Variants in TIAL1 observed in about 807,000 individuals in gnomAD.
The protein encoded by TIAL1 is TIA1 cytotoxic granule associated RNA binding protein like 1.
TIAL1 carries 7 observed loss-of-function variants against 59.7 expected under a neutral mutation model. That is an observed-to-expected ratio of 0.12 (90% CI 0.07 to 0.22). The LOEUF is 0.22. Ranked by LOEUF, TIAL1 falls within the 10% of genes least tolerant of loss-of-function variation. TIAL1 has a pLI of 1.00. For missense variants in TIAL1, 225 were observed against 462.5 expected (o/e 0.49, Z 4.71); for synonymous variants, 149 against 146.3 (o/e 1.02, Z -0.13).
Position 119,588,161 on chromosome 10 carries a change from C to A in TIAL1, c.120G>T (p.Met40Ile). Reference protein sequence around the residue: ...SQIGPCKSCKMITEHTSNDPY... With the variant: ...SQIGPCKSCKIITEHTSNDPY... ...ACTGGGAAGATCTTACCTCTGTTAT[C>A]ATTTTACAGCTTTTACAGGGTCCAA... Residue 40 changes from methionine (M) to isoleucine (I), a missense_variant, in exon 2 of 12, where the codon ATG becomes ATT. Met to Ile is a conservative substitution (Grantham distance 10). Around this residue, in one of 4 missense-constraint regions of TIAL1, gnomAD observed 39 missense variants for 59.5 expected, o/e 0.66. Coordinates refer to ENST00000436547, the MANE Select transcript of TIAL1 (RefSeq NM_003252.4). 2 of 1,566,248 alleles carry A rather than the reference C, an allele frequency of 1.3e-6. No individual in the cohort carries two copies. The highest frequency in any genetic ancestry group is 1.2e-5 in the South Asian group (1 of 83,214).
At position 119,574,604 on chromosome 10, in the gene TIAL1, A is replaced by AAAAAAAAAAAAAAAAAAAAC. The variant is rs1844883262; in HGVS notation, c.*1060_*1061insGTTTTTTTTTTTTTTTTTTT. 1 of 149,102 alleles carries AAAAAAAAAAAAAAAAAAAAC rather than the reference A, an allele frequency of 6.7e-6. No individual in the cohort carries two copies. The highest frequency in any genetic ancestry group is 1.5e-5 in the Non-Finnish European group (1 of 67,376). The allele number at this position is 149,102 out of a possible 1,614,324, so 9.2% of individuals were successfully genotyped here. A position where few individuals can be genotyped will look rare whatever the true frequency, so the allele number is the denominator to read the frequency against. ...TGTAAAGCAAAAAAAAAAAAAAAAA[A>AAAAAAAAAAAAAAAAAAAAC]AAACAAAAACAAAAAACTAATTCCC... On this transcript the variant is annotated 3_prime_UTR_variant, in exon 12 of 12. Transcript: ENST00000436547.
chr10:119,578,759 G>A lies in TIAL1; in HGVS notation c.523C>T (p.Arg175Cys). 2 of 1,614,138 alleles carry A rather than the reference G, an allele frequency of 1.2e-6. No individual in the cohort carries two copies. Among genetic ancestry groups the A allele is most frequent in the Non-Finnish European group, 1.7e-6 (2 of 1,180,012 alleles). The change falls in exon 7 of 12, where the codon CGT (arginine) becomes TGT (cysteine). Residue 175 changes from arginine (R) to cysteine (C), a missense_variant. Around this residue, in one of 4 missense-constraint regions of TIAL1, gnomAD observed 38 missense variants for 173.0 expected, o/e 0.22. Coordinates refer to ENST00000436547, the MANE Select transcript of TIAL1 (RefSeq NM_003252.4). ...GTACTTTTAGGTGCAGGTGGTTTAC[G>A]AGTGGCCCAATTGGTTCGGATTTGA... ...GRQIRTNWAT[R>C]KPPAPKSTQE...
At chr10:119,587,830 G>A (rs1419701957) in intron 2 of TIAL1, among the ~76,000 whole-genome samples, 4 of 152,232 alleles carry the variant, frequency 2.6e-5, no homozygotes, top group Middle Eastern at 6.8e-3. Context: ...TGTCTAAATC[G>A]TTAACATTCT....
chr10:119,588,288 T>C, intron 1 of TIAL1, 40 bp from the exon 2 acceptor site: 1 of 1,256,268 alleles, frequency 8.0e-7, no homozygotes, highest in East Asian at 2.4e-5. Context: ...ATTTTTCCTT[T>C]AGCTCTGGCT....
chr10:119,579,764 T>C (rs1366523995), intron 6 of TIAL1, among the ~76,000 whole-genome samples, 171 bp downstream of exon 6: 2 of 152,148 alleles, frequency 1.3e-5, no homozygotes, highest in Non-Finnish European at 2.9e-5. Context: ...TATTTTCGAG[T>C]TTATGAAAGA....
At chr10:119,577,933 T>C (rs893500356) in intron 7 of TIAL1, among the ~76,000 whole-genome samples, 197 bp from the exon 8 acceptor site, 3 of 151,864 alleles carry the variant, frequency 2.0e-5, no homozygotes, top group Non-Finnish European at 2.9e-5. Context: ...CTACTAAAAA[T>C]ACAAAAATTA....
rs1844845606 is a variant in TIAL1, at chr10:119,574,238, C to T, written c.*1427G>A. The stretch of plus-strand genomic sequence containing the variant: ...CTTGAAAGCAAACCTCGGTCTTCTG[C>T]ATCTTCCAATTGATTCCTTTACAAA... On this transcript the variant is annotated 3_prime_UTR_variant, in exon 12 of 12. Coordinates refer to ENST00000436547, the MANE Select transcript of TIAL1 (RefSeq NM_003252.4). The T allele has an allele frequency of 6.6e-6, 1 of 152,458 alleles. No homozygotes were observed. Among genetic ancestry groups the T allele is most frequent in the South Asian group, 2.1e-4 (1 of 4,822 alleles). 9.4% of individuals were successfully genotyped at this position (152,458 alleles called of 1,614,324 possible).
chr10:119,594,063 C>A (rs1846024195), intron 1 of TIAL1, among the ~76,000 whole-genome samples: 2 of 136,876 alleles, frequency 1.5e-5, no homozygotes, highest in African/African-American at 2.9e-5. Context: ...TGTAGTAGTC[C>A]TTCTCTTAAA....
Position 119,573,555 on chromosome 10 carries a change from TA to T in TIAL1, c.*2109del, listed in dbSNP as rs1279945397. 1 of 152,562 alleles carries T rather than the reference TA, an allele frequency of 6.6e-6. No homozygotes were observed. The highest frequency in any genetic ancestry group is 1.5e-5 in the Non-Finnish European group (1 of 68,022). The allele number at this position is 152,562 out of a possible 1,614,324, so 9.5% of individuals were successfully genotyped here. A position where few individuals can be genotyped will look rare whatever the true frequency, so the allele number is the denominator to read the frequency against. On this transcript the variant is annotated 3_prime_UTR_variant, in exon 12 of 12. Coordinates refer to ENST00000436547, the MANE Select transcript of TIAL1 (RefSeq NM_003252.4). ...ACTACAGCTATATTTAGCTGTTAGT[TA>T]TCTCAATAAGCTACTTAATTTACTG... is the stretch of plus-strand genomic sequence containing the variant.
At chr10:119,583,534 G>A (rs1845397886) in intron 2 of TIAL1, among the ~76,000 whole-genome samples, 1 of 152,074 alleles carries the variant, frequency 6.6e-6, no homozygotes, top group South Asian at 2.1e-4. Context: ...TTTTATGTAA[G>A]GCTAAAAACA....
intron 1 of TIAL1, among the ~76,000 whole-genome samples, chr10:119,594,303 C>T (rs1028742466): frequency 5.3e-5 from 8 of 152,104 alleles, no homozygotes; most frequent in Admixed American, 2.6e-4. Flanking sequence ...GCTTATTATT[C>T]CCCTGGAGAA....
At chr10:119,591,145 T>A (rs187573641) in intron 1 of TIAL1, among the ~76,000 whole-genome samples, 116 of 152,294 alleles carry the variant, frequency 7.6e-4, no homozygotes, top group Non-Finnish European at 1.1e-3. Flanking sequence ...GGCTCACACC[T>A]GTAATCCTAA....
Position 119,596,765 on chromosome 10 carries a change from G to A in TIAL1, c.-300C>T, listed in dbSNP as rs957894153. The A allele has an allele frequency of 1.6e-5, 8 of 488,638 alleles. No individual in the cohort carries two copies. Among genetic ancestry groups the A allele is most frequent in the Admixed American group, 3.7e-5 (1 of 26,886 alleles). 30.3% of individuals were successfully genotyped at this position (488,638 alleles called of 1,614,324 possible). A position where few individuals can be genotyped will look rare whatever the true frequency, so the allele number is the denominator to read the frequency against. On this transcript the variant is annotated 5_prime_UTR_variant, in exon 1 of 12. Coordinates refer to ENST00000436547, the MANE Select transcript of TIAL1 (RefSeq NM_003252.4). ...CAGGCCAGCCGCGACAGCCTGCAAG[G>A]GGGACGACCGAGGGGAGAGAAAAAA... is the stretch of plus-strand genomic sequence containing the variant.
At position 119,588,180 on chromosome 10, in the gene TIAL1, G is replaced by C; in HGVS notation, c.101C>G (p.Pro34Arg). Residue 34 changes from proline to arginine, a missense_variant, in exon 2 of 12, where the codon CCC (proline) becomes CGC (arginine). By Grantham distance (103) the Pro-to-Arg change is moderately radical. This residue lies in a region of TIAL1 where 39 missense variants were observed against 59.5 expected (regional missense o/e 0.66). Coordinates refer to ENST00000436547, the MANE Select transcript of TIAL1 (RefSeq NM_003252.4). ...LILQLFSQIG[P>R]CKSCKMITEH... Reference sequence around the variant, plus strand: ...TGTTATCATTTTACAGCTTTTACAGGGTCCAATCTGACTGAACAACTGAAG... The same window carrying C: ...TGTTATCATTTTACAGCTTTTACAGCGTCCAATCTGACTGAACAACTGAAG... 1.3e-6 allele frequency: 2 copies of C among 1,596,200 alleles called. No homozygotes were observed. Among genetic ancestry groups the C allele is most frequent in the Non-Finnish European group, 1.7e-6 (2 of 1,169,658 alleles).
Position 119,588,182 on chromosome 10 carries a change from T to C in TIAL1, c.99A>G (p.Gly33=). ...VLILQLFSQI[G]PCKSCKMITE... is the part of the protein sequence containing the mutation. Reference sequence around the variant, plus strand: ...TTATCATTTTACAGCTTTTACAGGGTCCAATCTGACTGAACAACTGAAGTA... The same window carrying C: ...TTATCATTTTACAGCTTTTACAGGGCCCAATCTGACTGAACAACTGAAGTA... The change falls in exon 2 of 12, where the codon GGA becomes GGG. Residue 33 remains glycine (G), a synonymous_variant. Coordinates refer to ENST00000436547, the MANE Select transcript of TIAL1 (RefSeq NM_003252.4). 3 of 1,600,106 alleles carry C rather than the reference T, an allele frequency of 1.9e-6. No homozygotes were observed. Among genetic ancestry groups the C allele is most frequent in the South Asian group, 1.1e-5 (1 of 88,882 alleles).
In TIAL1 at chr10:119,575,375, G is replaced by T; in HGVS notation, c.*290C>A. On this transcript the variant is annotated 3_prime_UTR_variant, in exon 12 of 12. Transcript: ENST00000436547. ...AGTATCTAAGAATCAAAATGTATTA[G>T]CCATTTTTCCTATTATATCAAAATT... 1 of 264,820 alleles carries T rather than the reference G, an allele frequency of 3.8e-6. No homozygotes were observed. The highest frequency in any genetic ancestry group is 4.5e-5 in the South Asian group (1 of 22,428). 16.4% of individuals were successfully genotyped at this position (264,820 alleles called of 1,614,324 possible).
Position 119,574,531 on chromosome 10 carries a change from T to G in TIAL1, c.*1134A>C, listed in dbSNP as rs1844866118. ...TGTACTATACAACTTATAGTAACCTTGAAATTGGTTTACAAGGTTTTAATC... is the reference window on the plus strand; with the variant it reads ...TGTACTATACAACTTATAGTAACCTGGAAATTGGTTTACAAGGTTTTAATC... On this transcript the variant is annotated 3_prime_UTR_variant, in exon 12 of 12. Transcript: ENST00000436547. 1 of 131,786 alleles carries G rather than the reference T, an allele frequency of 7.6e-6. No homozygotes were observed. The allele number at this position is 131,786 out of a possible 1,614,324, so 8.2% of individuals were successfully genotyped here.
chr10:119,580,399 C>A, intron 5 of TIAL1: 1 of 594,402 alleles, frequency 1.7e-6, no homozygotes, highest in Admixed American at 5.4e-5. Context: ...ATGTCTTCTG[C>A]CTAGTGATAC....
At chr10:119,584,869 G>A (rs779939254) in intron 2 of TIAL1, among the ~76,000 whole-genome samples, 3 of 151,992 alleles carry the variant, frequency 2.0e-5, no homozygotes, top group African/African-American at 4.8e-5. Flanking sequence ...CACTTTGGGA[G>A]GGCGAGGTGG....
Sources: gnomAD v4.1 joint callset for allele counts (sites outside exome capture counted in the v4.1 genomes callset) on GRCh38, gnomAD v4.1.1 for gene constraint, gnomAD v4.1.1 regional missense constraint, MANE v1.5 for transcripts, NCBI Gene and HGNC (gene_info 2026-07-23, HGNC 2026-07-21) for gene names.